The following GRID2 variants were observed in gnomAD, a reference collection of about 807,000 sequenced individuals.
GRID2 encodes glutamate ionotropic receptor delta type subunit 2.
Under a neutral mutation model 114.8 loss-of-function variants are expected in GRID2, and 33 were observed. The ratio of observed to expected loss-of-function variants is 0.29; its 90% CI spans 0.22 to 0.38. The LOEUF is 0.38. Among genes scored for constraint, GRID2 ranks in the 10% least tolerant of loss-of-function variants. The pLI is 1.00. For missense variants in GRID2, 1,184 were observed against 1,257.7 expected, an observed-to-expected ratio of 0.94 and a Z score of 0.89; for synonymous variants, 505 against 449.9, an observed-to-expected ratio of 1.12 and a Z score of -1.55.
intron 7 of GRID2, among the ~76,000 whole-genome samples, chr4:93,232,270 T>C (rs1746236591): frequency 1.3e-5 from 2 of 152,144 alleles, no homozygotes; most frequent in African/African-American, 2.4e-5. Context: ...TGATTGCACA[T>C]AAAATCACTG....
At chr4:93,448,767 G>A (rs1407739078) in intron 10 of GRID2, among the ~76,000 whole-genome samples, 2 of 146,400 alleles carry the variant, frequency 1.4e-5, no homozygotes, top group African/African-American at 2.5e-5. Flanking sequence ...ACTTAAAGGC[G>A]TAATTAGTAG....
chr4:93,390,729 A>G (rs1053494925), intron 8 of GRID2, among the ~76,000 whole-genome samples: 6 of 152,180 alleles, frequency 3.9e-5, no homozygotes, highest in African/African-American at 7.2e-5. Flanking sequence ...CTAGTTGATA[A>G]TAGAGTGATT....
At position 93,275,068 on chromosome 4, in the gene GRID2, G is replaced by A. The variant is rs183586177; in HGVS notation, c.1245+36578G>A. On this transcript the variant is annotated intron_variant, in intron 8 of 15. Transcript: ENST00000282020. ...TGTACATCCAATAGTAGTCACCCCC[G>A]ACTTCCCCCTTTTCTCAGCCTCTGA... 3.9e-3 allele frequency among the ~76,000 whole-genome samples: 594 copies of A among 151,806 alleles called. 6 individuals are homozygous for A. The highest frequency in any genetic ancestry group is 0.014 in the African/African-American group (560 of 41,466).
chr4:93,727,618 G>T (rs1730054959), intron 14 of GRID2, among the ~76,000 whole-genome samples: 1 of 152,152 alleles, frequency 6.6e-6, no homozygotes, highest in Admixed American at 6.5e-5. Flanking sequence ...TCTGGTCCTG[G>T]ACTTTTTTTG....
intron 7 of GRID2, among the ~76,000 whole-genome samples, chr4:93,227,232 AATATT>A (rs1745588517): frequency 6.6e-6 from 1 of 151,620 alleles, no homozygotes; most frequent in Non-Finnish European, 1.5e-5. Flanking sequence ...TTCTCTCCTG[AATATT>A]ATATATATAT....
intron 2 of GRID2, among the ~76,000 whole-genome samples, chr4:93,067,435 G>C (rs1423866078): frequency 6.6e-6 from 1 of 151,970 alleles, no homozygotes; most frequent in Non-Finnish European, 1.5e-5. Context: ...TTCTGTTATG[G>C]TGGAAGGAGA....
chr4:92,730,016 A>G (rs1161221493), intron 2 of GRID2, among the ~76,000 whole-genome samples: 1 of 151,998 alleles, frequency 6.6e-6, no homozygotes, highest in Non-Finnish European at 1.5e-5. Flanking sequence ...CATTTATGCC[A>G]CATGAAGATG....
chr4:93,268,004 G>A (rs1282640442), intron 8 of GRID2, among the ~76,000 whole-genome samples: 3 of 152,110 alleles, frequency 2.0e-5, no homozygotes, highest in African/African-American at 7.2e-5. Flanking sequence ...GCTATCTGGT[G>A]GGAATGTGTA....
At chr4:92,660,794 T>C (rs1219067288) in intron 2 of GRID2, among the ~76,000 whole-genome samples, 2 of 151,242 alleles carry the variant, frequency 1.3e-5, no homozygotes, top group African/African-American at 4.8e-5. Context: ...TTGAACTAGA[T>C]TTAAATTAAA....
At chr4:92,320,833 A>G (rs1726276784) in intron 1 of GRID2, among the ~76,000 whole-genome samples, 2 of 152,112 alleles carry the variant, frequency 1.3e-5, no homozygotes, top group Non-Finnish European at 1.5e-5. Flanking sequence ...GTTTTTTACT[A>G]TAAGTGTACA....
intron 2 of GRID2, among the ~76,000 whole-genome samples, chr4:92,706,768 A>G (rs973176011): frequency 5.3e-5 from 8 of 152,226 alleles, no homozygotes; most frequent in Admixed American, 2.0e-4. Flanking sequence ...AACCCAGCAT[A>G]CATTTGGTGT....
chr4:93,374,613 T>TC (rs974484475), intron 8 of GRID2, among the ~76,000 whole-genome samples: 36 of 151,932 alleles, frequency 2.4e-4, no homozygotes, highest in African/African-American at 5.6e-4. Flanking sequence ...TCAGTTGAAA[T>TC]CCCCCCCATA....
intron 7 of GRID2, among the ~76,000 whole-genome samples, chr4:93,231,105 C>T (rs1436316444): frequency 1.3e-5 from 2 of 152,042 alleles, no homozygotes; most frequent in Non-Finnish European, 2.9e-5. Context: ...AACCACTCCC[C>T]TGGGGTATTT....
chr4:92,350,601 T>C (rs1434753887), intron 1 of GRID2, among the ~76,000 whole-genome samples: 2 of 151,822 alleles, frequency 1.3e-5, no homozygotes, highest in African/African-American at 2.4e-5. Flanking sequence ...TAAAATTTCC[T>C]TCCTTCTTCC....
At chr4:92,933,489 T>G (rs1750398442) in intron 2 of GRID2, among the ~76,000 whole-genome samples, 1 of 151,528 alleles carries the variant, frequency 6.6e-6, no homozygotes, top group South Asian at 2.1e-4. Flanking sequence ...AAGGGGCTAA[T>G]AAGATTTAAG....
intron 2 of GRID2, among the ~76,000 whole-genome samples, chr4:92,947,275 G>A (rs529334218): frequency 8.4e-4 from 127 of 152,066 alleles, no homozygotes; most frequent in African/African-American, 2.9e-3. Flanking sequence ...GTCAGCATGC[G>A]TGTGTATTGT....
At chr4:92,404,024 A>G (rs938107775) in intron 1 of GRID2, among the ~76,000 whole-genome samples, 4 of 152,208 alleles carry the variant, frequency 2.6e-5, no homozygotes, top group African/African-American at 7.2e-5. Context: ...CATTTATGAA[A>G]TAATCAAATA....
intron 2 of GRID2, among the ~76,000 whole-genome samples, chr4:92,799,870 A>C (rs1029483233): frequency 6.6e-6 from 1 of 152,004 alleles, no homozygotes; most frequent in Admixed American, 6.6e-5. Context: ...ACTCAGCATA[A>C]TTATAATTAA....
At chr4:93,792,670 T>G (rs1321271116) in intron 1 of GRID2, among the ~76,000 whole-genome samples, 1 of 152,138 alleles carries the variant, frequency 6.6e-6, no homozygotes, top group Non-Finnish European at 1.5e-5. Flanking sequence ...AATGCAACTA[T>G]TGGAACATCA....
Sources: allele counts gnomAD v4.1 joint callset (sites outside exome capture counted in the v4.1 genomes callset), GRCh38; gene constraint gnomAD v4.1.1; transcripts MANE v1.5; gene names NCBI Gene and HGNC (gene_info 2026-07-23, HGNC 2026-07-21).